Variants in PTPN13 observed in about 807,000 individuals in gnomAD.
The protein encoded by PTPN13 is protein tyrosine phosphatase non-receptor type 13.
A neutral mutation model predicts 284.0 loss-of-function variants in PTPN13; 191 were observed. The ratio of observed to expected loss-of-function variants is 0.67; its 90% CI spans 0.60 to 0.76. The LOEUF (loss-of-function observed/expected upper bound fraction) is 0.76. Ranked by LOEUF, PTPN13 falls within the 30% of genes least tolerant of loss-of-function variation. The pLI is 0.00. For missense variants in PTPN13, 2,797 were observed against 2,939.9 expected (o/e 0.95, Z 1.12); for synonymous variants, 986 against 1,022.3 (o/e 0.96, Z 0.68).
At chr4:86,612,760 A>G (rs1327964442) in intron 1 of PTPN13, among the ~76,000 whole-genome samples, 1 of 152,256 alleles carries the variant, frequency 6.6e-6, no homozygotes, top group African/African-American at 2.4e-5. Context: ...AGGAACAAAG[A>G]TGACTATTAC....
intron 1 of PTPN13, among the ~76,000 whole-genome samples, chr4:86,612,158 G>A (rs1257444951): frequency 6.6e-6 from 1 of 152,022 alleles, no homozygotes; most frequent in Non-Finnish European, 1.5e-5. Context: ...CTTCAAGCCT[G>A]AGCAAAACTC....
chr4:86,814,000 C>CT (rs535405150), intron 47 of PTPN13, among the ~76,000 whole-genome samples: 1,461 of 100,044 alleles, frequency 0.015, 272 homozygotes, highest in African/African-American at 0.038. Flanking sequence ...TACCCTGCTT[C>CT]TTTTTTTTTT....
chr4:86,639,562 G>A (rs1398011571), intron 2 of PTPN13, among the ~76,000 whole-genome samples: 1 of 151,718 alleles, frequency 6.6e-6, no homozygotes, highest in Non-Finnish European at 1.5e-5. Context: ...ATCATTCTCA[G>A]CAAACTATCG....
intron 1 of PTPN13, among the ~76,000 whole-genome samples, chr4:86,609,858 G>A (rs1399237297): frequency 6.6e-6 from 1 of 152,132 alleles, no homozygotes; most frequent in Non-Finnish European, 1.5e-5. Flanking sequence ...TACTTCGGGG[G>A]ACTTAGATCT....
rs575264124 is a variant in PTPN13, at chr4:86,690,648, A to G, written c.546+1458A>G. On this transcript the variant is annotated intron_variant, in intron 5 of 47. Transcript: ENST00000411767. ...TAGACAGTCCAGGGACTTTTTTATT[A>G]CACCACACTTTCTCTAAGACTTTTG... 8.5e-5 allele frequency among the ~76,000 whole-genome samples: 13 copies of G among 152,228 alleles called. No individual in the cohort carries two copies. In the East Asian group the frequency reaches 2.5e-3, roughly 29 times the overall value.
rs1013042595 is a variant in PTPN13, at chr4:86,764,511, A to T, written c.4018-82A>T. ...GCCAGCTTTGTCCTGGGCTAGGTTTAAAAAAAAAGAAATTAAAAAAAGAAA... is the reference window on the plus strand; with the variant it reads ...GCCAGCTTTGTCCTGGGCTAGGTTTTAAAAAAAAGAAATTAAAAAAAGAAA... On this transcript the variant is annotated intron_variant, in intron 24 of 47. Coordinates refer to ENST00000411767, the MANE Select transcript of PTPN13 (RefSeq NM_080683.3). 12 of 964,708 alleles carry T rather than the reference A, an allele frequency of 1.2e-5. No individual in the cohort carries two copies. The Admixed American group carries it at 3.1e-4, about 25-fold the overall frequency. 59.8% of individuals were successfully genotyped at this position (964,708 alleles called of 1,614,324 possible).
rs545030621 is a variant in PTPN13, at chr4:86,788,656, G to GAATGA, written c.6345+2724_6345+2725insAAATG. Reference sequence around the variant, plus strand: ...GTGTCTCATTTAAGAATGAAAGAATGAATGCTAATCGTATACATTACTATA... The same window carrying GAATGA: ...GTGTCTCATTTAAGAATGAAAGAATGAATGAAATGCTAATCGTATACATTACTATA... On this transcript the variant is annotated intron_variant, in intron 40 of 47. Coordinates refer to ENST00000411767, the MANE Select transcript of PTPN13 (RefSeq NM_080683.3). 2.0e-4 allele frequency among the ~76,000 whole-genome samples: 30 copies of GAATGA among 152,182 alleles called. No individual in the cohort carries two copies. The East Asian group carries it at 4.2e-3, about 22-fold the overall frequency.
At chr4:86,759,432 G>C (rs985955536) in intron 23 of PTPN13, among the ~76,000 whole-genome samples, 1 of 152,166 alleles carries the variant, frequency 6.6e-6, no homozygotes, top group Admixed American at 6.5e-5. Context: ...GATGACCTGC[G>C]TTTGAGCTTT....
At chr4:86,619,570 G>C (rs1391700996) in intron 1 of PTPN13, among the ~76,000 whole-genome samples, 1 of 152,084 alleles carries the variant, frequency 6.6e-6, no homozygotes, top group African/African-American at 2.4e-5. Context: ...GGAGGGAAGA[G>C]TCCAGATTTC....
intron 41 of PTPN13, among the ~76,000 whole-genome samples, chr4:86,797,562 T>C (rs890466097): frequency 6.6e-6 from 1 of 152,120 alleles, no homozygotes; most frequent in African/African-American, 2.4e-5. Flanking sequence ...TGTGAAAATG[T>C]GTTTATTATA....
chr4:86,740,088 T>C (rs184807218), intron 15 of PTPN13, among the ~76,000 whole-genome samples: 17 of 152,306 alleles, frequency 1.1e-4, no homozygotes, highest in African/African-American at 4.1e-4. Context: ...ATCTGTGGCT[T>C]TTCCAGGTGC....
At chr4:86,640,016 G>T (rs1045579479) in intron 2 of PTPN13, among the ~76,000 whole-genome samples, 1 of 152,148 alleles carries the variant, frequency 6.6e-6, no homozygotes, top group Non-Finnish European at 1.5e-5. Flanking sequence ...GAAAGATGTA[G>T]GGATAACTAC....
intron 47 of PTPN13, 41 bp downstream of exon 47, chr4:86,811,149 G>C (rs1306568467): frequency 6.4e-6 from 10 of 1,555,724 alleles, no homozygotes; most frequent in Non-Finnish European, 2.6e-6. Context: ...TTTTTGTAAA[G>C]ATTCTAATAT....
chr4:86,627,136 C>A (rs1204175865), intron 1 of PTPN13, among the ~76,000 whole-genome samples: 2 of 152,022 alleles, frequency 1.3e-5, no homozygotes, highest in East Asian at 3.8e-4. Context: ...TGATTCCACT[C>A]ATATGAAATA....
intron 10 of PTPN13, among the ~76,000 whole-genome samples, chr4:86,723,846 G>T (rs1159984142): frequency 6.6e-6 from 1 of 152,110 alleles, no homozygotes; most frequent in African/African-American, 2.4e-5. Context: ...AATCTAGAAT[G>T]ATTTTTTTCT....
rs1166814661 is a variant in PTPN13 at position 86,761,171 on chromosome 4, A to ATATATATATAT, written c.3554-1556_3554-1555insTATATATATAT. 3.2e-3 allele frequency among the ~76,000 whole-genome samples: 275 copies of ATATATATATAT among 85,910 alleles called. 3 individuals carry two copies. The highest frequency in any genetic ancestry group is 9.9e-3 in the African/African-American group (242 of 24,498). 56.4% of individuals were successfully genotyped at this position (85,910 alleles called of 152,430 possible). Reference sequence around the variant, plus strand: ...ATATATATATATATATATATATATAAACACAACACATACACACACTATTTT... The same window carrying ATATATATATAT: ...ATATATATATATATATATATATATAATATATATATATACACAACACATACACACACTATTTT... On this transcript the variant is annotated intron_variant, in intron 23 of 47. Transcript: ENST00000411767.
intron 30 of PTPN13, 48 bp downstream of exon 30, chr4:86,770,247 G>A (rs1353753734): frequency 2.0e-6 from 3 of 1,480,434 alleles, no homozygotes; most frequent in Admixed American, 1.9e-5. Context: ...TATCAACTTA[G>A]CAACTAACTA....
At chr4:86,701,944 C>A in intron 7 of PTPN13, 143 bp downstream of exon 7, 1 of 761,894 alleles carries the variant, frequency 1.3e-6, no homozygotes, top group Non-Finnish European at 2.0e-6. Flanking sequence ...ACTTCTCTGT[C>A]AATTTCTGTT....
chr4:86,733,146 T>C (rs916314660), intron 12 of PTPN13, among the ~76,000 whole-genome samples: 3 of 152,072 alleles, frequency 2.0e-5, no homozygotes, highest in Non-Finnish European at 2.9e-5. Flanking sequence ...GTTTATTTAG[T>C]CTACTATCCT....
Sources: gnomAD v4.1 joint callset for allele counts (sites outside exome capture counted in the v4.1 genomes callset) on GRCh38, gnomAD v4.1.1 for gene constraint, MANE v1.5 for transcripts, NCBI Gene and HGNC (gene_info 2026-07-23, HGNC 2026-07-21) for gene names.